Variants in CTNND2 observed in about 807,000 individuals in gnomAD.
CTNND2 encodes the protein catenin delta 2.
Under a neutral mutation model 144.4 loss-of-function variants are expected in CTNND2, and 22 were observed. That is an observed-to-expected ratio of 0.15 (90% CI 0.11 to 0.22). The LOEUF (loss-of-function observed/expected upper bound fraction) is 0.22. Among genes scored for constraint, CTNND2 ranks in the 10% least tolerant of loss-of-function variants. The pLI is 1.00. For missense variants in CTNND2, 1,353 were observed against 1,618.8 expected, an observed-to-expected ratio of 0.84 and a Z score of 2.82; for synonymous variants, 751 against 695.6, an observed-to-expected ratio of 1.08 and a Z score of -1.25.
chr5:11,486,298 T>C (rs940866724), intron 3 of CTNND2, among the ~76,000 whole-genome samples: 2 of 152,186 alleles, frequency 1.3e-5, no homozygotes, highest in African/African-American at 2.4e-5. Flanking sequence ...TAATATCCAG[T>C]AGATCACACT....
intron 10 of CTNND2, among the ~76,000 whole-genome samples, 174 bp downstream of exon 10, chr5:11,236,517 T>TA (rs1741652608): frequency 6.6e-6 from 1 of 152,194 alleles, no homozygotes; most frequent in South Asian, 2.1e-4. Context: ...GAAGAATGCA[T>TA]GAACAGGCAT....
At chr5:10,997,235 C>T (rs1230507383) in intron 18 of CTNND2, among the ~76,000 whole-genome samples, 1 of 152,104 alleles carries the variant, frequency 6.6e-6, no homozygotes, top group Non-Finnish European at 1.5e-5. Context: ...ACCAAAAACA[C>T]GTTCAGGATG....
chr5:11,591,979 C>A (rs981199834), intron 2 of CTNND2, among the ~76,000 whole-genome samples: 1 of 151,590 alleles, frequency 6.6e-6, no homozygotes, highest in African/African-American at 2.4e-5. Flanking sequence ...CTTATGCTAC[C>A]CACCCCCCAA....
At chr5:11,096,869 C>G (rs1345318623) in intron 15 of CTNND2, among the ~76,000 whole-genome samples, 3 of 152,088 alleles carry the variant, frequency 2.0e-5, no homozygotes, top group African/African-American at 4.8e-5. Flanking sequence ...CAATCTAGAT[C>G]TTTGTGTCTT....
At chr5:11,898,454 T>C (rs983288738) in intron 1 of CTNND2, among the ~76,000 whole-genome samples, 8 of 152,190 alleles carry the variant, frequency 5.3e-5, no homozygotes, top group African/African-American at 1.7e-4. Flanking sequence ...AAATTTCTAA[T>C]GACAGTTGTG....
At chr5:11,187,365 A>G (rs1452734393) in intron 11 of CTNND2, among the ~76,000 whole-genome samples, 1 of 152,186 alleles carries the variant, frequency 6.6e-6, no homozygotes, top group Non-Finnish European at 1.5e-5. Flanking sequence ...AGGACTCCCT[A>G]TTTAATAAAT....
intron 2 of CTNND2, among the ~76,000 whole-genome samples, chr5:11,723,459 C>G (rs1216925024): frequency 1.3e-5 from 2 of 152,234 alleles, no homozygotes; most frequent in South Asian, 4.2e-4. Context: ...AATGGAAGAT[C>G]TAGACCCAAT....
chr5:11,710,808 A>C (rs367599625), intron 2 of CTNND2, among the ~76,000 whole-genome samples: 31 of 152,332 alleles, frequency 2.0e-4, no homozygotes, highest in African/African-American at 7.5e-4. Context: ...AAGGGAGGTT[A>C]GGGTTGAGTT....
rs566390088 is a variant in CTNND2 at position 11,160,158 on chromosome 5, C to T, written c.1976-399G>A. ...AGAGCATCTTTGTCTTACCCAAGACCTCAGTGTGCACATGTGGTTGCCATG... is the reference window on the plus strand; with the variant it reads ...AGAGCATCTTTGTCTTACCCAAGACTTCAGTGTGCACATGTGGTTGCCATG... On this transcript the variant is annotated intron_variant, in intron 11 of 21. Coordinates refer to ENST00000304623, the MANE Select transcript of CTNND2 (RefSeq NM_001332.4). 3.3e-5 allele frequency among the ~76,000 whole-genome samples: 5 copies of T among 152,312 alleles called. No individual in the cohort carries two copies. In the East Asian group the frequency reaches 9.7e-4, roughly 29 times the overall value.
chr5:11,157,706 TTC>T (rs1331090526), intron 12 of CTNND2, among the ~76,000 whole-genome samples: 8 of 152,246 alleles, frequency 5.3e-5, no homozygotes, highest in Non-Finnish European at 8.8e-5. Flanking sequence ...ATCTAAAGCC[TTC>T]TGTCATGATA....
intron 21 of CTNND2, among the ~76,000 whole-genome samples, chr5:10,978,666 G>A (rs913955675): frequency 6.6e-6 from 1 of 152,180 alleles, no homozygotes; most frequent in Non-Finnish European, 1.5e-5. Context: ...GCAATGCCTC[G>A]GTCCTGACGA....
chr5:11,521,219 A>G lies in CTNND2; in HGVS notation c.287+43725T>C, dbSNP rs116323398. 1.7e-3 allele frequency among the ~76,000 whole-genome samples: 261 copies of G among 152,336 alleles called. 1 individual carries two copies. Among genetic ancestry groups the G allele is most frequent in the African/African-American group, 6.1e-3 (254 of 41,574 alleles). ...TTCTTAATGTTTTTTACCTTTTAAT[A>G]GCACCTTCAATTCTACATTCTCCCC... On this transcript the variant is annotated intron_variant, in intron 3 of 21. Coordinates refer to ENST00000304623, the MANE Select transcript of CTNND2 (RefSeq NM_001332.4).
intron 1 of CTNND2, among the ~76,000 whole-genome samples, chr5:11,802,151 A>C (rs981048959): frequency 2.6e-5 from 4 of 152,108 alleles, no homozygotes; most frequent in Non-Finnish European, 1.5e-5. Context: ...CCATGCCTGT[A>C]ATCCCAGCTA....
At chr5:11,593,559 A>C (rs1963316) in intron 2 of CTNND2, among the ~76,000 whole-genome samples, 1 of 151,980 alleles carries the variant, frequency 6.6e-6, no homozygotes, top group African/African-American at 2.4e-5. Flanking sequence ...TAACTGAATC[A>C]TGGGGGCAGG....
intron 3 of CTNND2, among the ~76,000 whole-genome samples, chr5:11,439,738 CTATATCTATCTA>C (rs1363990611): frequency 1.6e-5 from 2 of 128,910 alleles, no homozygotes; most frequent in East Asian, 4.4e-4. Context: ...TCTCTGCTAG[CTATATCTATCTA>C]TCTATCTATC....
At chr5:11,139,147 GAC>G (rs1380941150) in intron 12 of CTNND2, among the ~76,000 whole-genome samples, 2 of 152,108 alleles carry the variant, frequency 1.3e-5, no homozygotes, top group African/African-American at 4.8e-5. Flanking sequence ...TTTTACTAGA[GAC>G]AGTGTTTTGC....
intron 16 of CTNND2, among the ~76,000 whole-genome samples, chr5:11,050,833 A>G (rs1474204896): frequency 1.3e-5 from 2 of 152,334 alleles, no homozygotes; most frequent in South Asian, 2.1e-4. Flanking sequence ...AGGACCAACC[A>G]GAGAAGGCCA....
intron 2 of CTNND2, among the ~76,000 whole-genome samples, chr5:11,588,082 C>T (rs1581568736): frequency 6.6e-6 from 1 of 152,070 alleles, no homozygotes; most frequent in Non-Finnish European, 1.5e-5. Context: ...TACACCTGCA[C>T]CATTTAGAGT....
At chr5:11,795,498 G>A (rs1791353706) in intron 1 of CTNND2, among the ~76,000 whole-genome samples, 2 of 152,260 alleles carry the variant, frequency 1.3e-5, no homozygotes, top group Admixed American at 6.5e-5. Flanking sequence ...TTAGTGGGTG[G>A]GAGAAGATAG....
Sources: allele counts gnomAD v4.1 joint callset (sites outside exome capture counted in the v4.1 genomes callset), GRCh38; gene constraint gnomAD v4.1.1; transcripts MANE v1.5; gene names NCBI Gene and HGNC (gene_info 2026-07-23, HGNC 2026-07-21).